The following ANXA10 variants were observed in gnomAD, a reference collection of about 807,000 sequenced individuals.
ANXA10 encodes annexin 14.
A neutral mutation model predicts 53.5 loss-of-function variants in ANXA10; 49 were observed. That is an observed-to-expected ratio of 0.92 (90% confidence interval 0.73 to 1.16). ANXA10 has a LOEUF of 1.16. Ranked by LOEUF, ANXA10 falls within the 50% of genes most tolerant of loss-of-function variation. ANXA10 has a pLI of 0.00. For missense variants in ANXA10, 393 were observed against 394.4 expected (o/e 1.00, Z 0.03); for synonymous variants, 131 against 128.9 (o/e 1.02, Z -0.11).
chr4:168,129,698 T>A (rs573204217), intron 2 of ANXA10, among the ~76,000 whole-genome samples: 1 of 152,222 alleles, frequency 6.6e-6, no homozygotes, highest in Admixed American at 6.5e-5. Context: ...TTTAGAAAAA[T>A]CTGAAAGCAA....
chr4:168,101,450 A>T (rs752281773), intron 1 of ANXA10, among the ~76,000 whole-genome samples: 2 of 146,976 alleles, frequency 1.4e-5, no homozygotes, highest in African/African-American at 2.5e-5. Flanking sequence ...TTTTAGGCTT[A>T]ATCTTACTTT....
intron 9 of ANXA10, among the ~76,000 whole-genome samples, chr4:168,180,493 AT>A (rs1732219512): frequency 6.6e-6 from 1 of 152,052 alleles, no homozygotes; most frequent in Non-Finnish European, 1.5e-5. Context: ...ATTTCAACTG[AT>A]TTATTCACTC....
intron 3 of ANXA10, among the ~76,000 whole-genome samples, chr4:168,150,085 G>A (rs1406360733): frequency 6.6e-6 from 1 of 152,142 alleles, no homozygotes; most frequent in African/African-American, 2.4e-5. Context: ...TCCAAGGTCA[G>A]CTCACTTGCT....
Position 168,165,130 on chromosome 4 carries a change from G to A in ANXA10, c.401-117G>A, listed in dbSNP as rs539457517. ...TTTATTGACAAAGAAATGTCAACAG[G>A]TGGACTACATTTCCTGGACTTTGTA... On this transcript the variant is annotated intron_variant, in intron 5 of 11. Transcript: ENST00000359299. 5.0e-4 allele frequency: 247 copies of A among 497,402 alleles called. 2 individuals carry two copies. Among genetic ancestry groups the A allele is most frequent in the African/African-American group, 3.3e-3 (165 of 49,978 alleles). The allele number at this position is 497,402 out of a possible 1,614,324, so 30.8% of individuals were successfully genotyped here.
intron 3 of ANXA10, among the ~76,000 whole-genome samples, chr4:168,156,084 T>G (rs1731653574): frequency 1.4e-5 from 1 of 69,784 alleles, no homozygotes; most frequent in African/African-American, 5.9e-5. Context: ...ATATATTATA[T>G]ATAATATTTA....
chr4:168,105,835 T>C lies in ANXA10; in HGVS notation c.18+13117T>C, dbSNP rs866740892. Among the ~76,000 whole-genome samples, 22 of 152,296 alleles carry C rather than the reference T, an allele frequency of 1.4e-4. 1 individual carries two copies. The highest frequency in any genetic ancestry group is 6.8e-3 in the Middle Eastern group (2 of 294). On this transcript the variant is annotated intron_variant, in intron 1 of 11. Transcript: ENST00000359299. ...CTGATTGGTGTGAGATGATATCTTA[T>C]TGTGGTTTTCATTTGCATTTGTCTA...
Position 168,184,559 on chromosome 4 carries a change from G to C in ANXA10, c.784G>C (p.Asp262His). ...TCTCCCACTTTTCTGTATCTTTTAG[G>C]ACTTTGGTTTCCATAATAAAACTGT... ...FAYRLYSAIHDFGFHNKTVIR... is the reference protein window; with the variant it reads ...FAYRLYSAIHHFGFHNKTVIR... Residue 262 changes from aspartate (D) to histidine (H), a missense_variant and splice_region_variant, in exon 11 of 12, where the codon GAC (aspartate) becomes CAC (histidine). Coordinates refer to ENST00000359299, the MANE Select transcript of ANXA10 (RefSeq NM_007193.5). The C allele has an allele frequency of 6.2e-7, 1 of 1,613,752 alleles. No individual in the cohort carries two copies. Among genetic ancestry groups the C allele is most frequent in the Non-Finnish European group, 8.5e-7 (1 of 1,179,808 alleles).
chr4:168,139,731 T>A (rs921157499), intron 3 of ANXA10, 151 bp downstream of exon 3: 1 of 518,764 alleles, frequency 1.9e-6, no homozygotes, highest in Non-Finnish European at 3.4e-6. Flanking sequence ...TCCTCTTACA[T>A]GTTTCAAGGA....
chr4:168,159,651 A>G (rs1258780357), intron 3 of ANXA10, among the ~76,000 whole-genome samples: 1 of 152,150 alleles, frequency 6.6e-6, no homozygotes, highest in Non-Finnish European at 1.5e-5. Context: ...TTTCAACTAA[A>G]TTTTAAAATA....
At chr4:168,169,834 C>T (rs1731950143) in intron 6 of ANXA10, among the ~76,000 whole-genome samples, 1 of 152,190 alleles carries the variant, frequency 6.6e-6, no homozygotes, top group Non-Finnish European at 1.5e-5. Flanking sequence ...AGCATTTCTG[C>T]ACCTCTTTAA....
At chr4:168,133,618 A>G (rs983569957) in intron 2 of ANXA10, among the ~76,000 whole-genome samples, 1 of 152,152 alleles carries the variant, frequency 6.6e-6, no homozygotes, top group Non-Finnish European at 1.5e-5. Flanking sequence ...ATAGTTTTCA[A>G]TGCTAACAAG....
At chr4:168,114,827 T>C (rs1173253396) in intron 1 of ANXA10, among the ~76,000 whole-genome samples, 1 of 152,212 alleles carries the variant, frequency 6.6e-6, no homozygotes, top group African/African-American at 2.4e-5. Flanking sequence ...CGATCTCATT[T>C]ATTTTTATGG....
chr4:168,142,618 C>T (rs907484301), intron 3 of ANXA10, among the ~76,000 whole-genome samples: 2 of 152,320 alleles, frequency 1.3e-5, no homozygotes. Context: ...CACTCTACCA[C>T]AGTCTAAAGC....
At chr4:168,096,926 A>ATATGTGTATATATATATATATATATG (rs1730558006) in intron 1 of ANXA10, among the ~76,000 whole-genome samples, 1 of 129,902 alleles carries the variant, frequency 7.7e-6, no homozygotes, top group Admixed American at 8.3e-5. Flanking sequence ...ATATATATAT[A>ATATGTGTATATATATATATATATATG]TATGTATGTA....
intron 3 of ANXA10, among the ~76,000 whole-genome samples, chr4:168,146,971 A>T (rs1731416791): frequency 6.6e-6 from 1 of 152,176 alleles, no homozygotes; most frequent in Non-Finnish European, 1.5e-5. Context: ...ACAGCATCCC[A>T]GTGGACACTA....
chr4:168,156,741 G>C (rs947292316), intron 3 of ANXA10, among the ~76,000 whole-genome samples: 3 of 151,798 alleles, frequency 2.0e-5, no homozygotes, highest in Non-Finnish European at 4.4e-5. Flanking sequence ...CTGACCTCCT[G>C]ATCCTCCTGC....
intron 3 of ANXA10, among the ~76,000 whole-genome samples, chr4:168,148,998 T>C (rs140984306): frequency 1.1e-3 from 173 of 152,262 alleles, no homozygotes; most frequent in African/African-American, 4.1e-3. Flanking sequence ...TCGACACTTC[T>C]GAGAAAACTC....
rs1280017914 is a variant in ANXA10 at position 168,184,561 on chromosome 4, CT to C, written c.789del (p.Phe263LeufsTer8). 1.9e-6 allele frequency: 3 copies of C among 1,613,716 alleles called. No homozygotes were observed. In the African/African-American group the frequency reaches 4.0e-5, roughly 22 times the overall value. The stretch of plus-strand genomic sequence containing the variant: ...TCCCACTTTTCTGTATCTTTTAGGA[CT>C]TTGGTTTCCATAATAAAACTGTAAT... ...AYRLYSAIHD[F>X]GFHNKTVIRI... On this transcript the variant is annotated frameshift_variant, in exon 11 of 12. Coordinates refer to ENST00000359299, the MANE Select transcript of ANXA10 (RefSeq NM_007193.5). LOFTEE classifies it high-confidence loss of function.
At chr4:168,167,883 A>C (rs1044204685) in intron 6 of ANXA10, among the ~76,000 whole-genome samples, 1 of 152,182 alleles carries the variant, frequency 6.6e-6, no homozygotes, top group Non-Finnish European at 1.5e-5. Flanking sequence ...CTGAGTCATA[A>C]CAAACCCTTA....
Sources: allele counts gnomAD v4.1 joint callset (sites outside exome capture counted in the v4.1 genomes callset), GRCh38; gene constraint gnomAD v4.1.1; transcripts MANE v1.5; gene names NCBI Gene and HGNC (gene_info 2026-07-23, HGNC 2026-07-21).